Variants in FBXO7 observed in about 807,000 individuals in gnomAD.
FBXO7 encodes F-box protein 7, also known as F-box only protein 7.
A neutral mutation model predicts 50.2 loss-of-function variants in FBXO7; 31 were observed. The observed-to-expected ratio is 0.62, with a 90% CI of 0.46 to 0.83. The LOEUF (loss-of-function observed/expected upper bound fraction) is 0.83, where lower values mean the gene tolerates loss of function less well. Among genes scored for constraint, FBXO7 ranks in the 40% least tolerant of loss-of-function variants. FBXO7 has a pLI of 0.00. For synonymous variants in FBXO7, 256 were observed against 253.1 expected, an observed-to-expected ratio of 1.01 and a Z score of -0.11; for missense variants, 667 against 646.6, an observed-to-expected ratio of 1.03 and a Z score of -0.34.
At chr22:32,498,036 T>C (rs2057586626) in intron 8 of FBXO7, 108 bp from the exon 9 acceptor site, 4 of 1,244,710 alleles carry the variant, frequency 3.2e-6, no homozygotes, top group South Asian at 1.3e-5. Context: ...ATCCACAATA[T>C]GTCTGAGGTG....
intron 1 of FBXO7, chr22:32,475,536 G>C (rs781711144): frequency 9.5e-7 from 1 of 1,052,630 alleles, no homozygotes; most frequent in Non-Finnish European, 1.3e-6. Context: ...TGAGGGGTCC[G>C]AGTTAATTTC....
At chr22:32,475,523 C>G in intron 1 of FBXO7, 1 of 1,158,752 alleles carries the variant, frequency 8.6e-7, no homozygotes, top group Non-Finnish European at 1.2e-6. Context: ...CCTTTCTGGA[C>G]TGTGAGGGGT....
At position 32,487,950 on chromosome 22, in the gene FBXO7, CAA is replaced by C. The variant is rs2057509764; in HGVS notation, c.871+123_871+124del. ...ATATGAGATTAAAGCATATTGAAGA[CAA>C]TGTGGTTTGTTTAAGAATGCAAAGG... On this transcript the variant is annotated intron_variant, in intron 5 of 8. Transcript: ENST00000266087. 4.4e-6 allele frequency: 3 copies of C among 688,222 alleles called. No individual in the cohort carries two copies. The African/African-American group carries it at 5.5e-5, about 13-fold the overall frequency. 42.6% of individuals were successfully genotyped at this position (688,222 alleles called of 1,614,324 possible).
intron 4 of FBXO7, 111 bp downstream of exon 4, chr22:32,485,320 T>C: frequency 7.7e-7 from 1 of 1,303,060 alleles, no homozygotes. Context: ...TTGTGAGTCC[T>C]TCTCAACTGT....
chr22:32,496,101 A>G (rs1265873642), intron 8 of FBXO7, among the ~76,000 whole-genome samples: 2 of 152,036 alleles, frequency 1.3e-5, no homozygotes, highest in African/African-American at 4.8e-5. Context: ...GGACAGGCTG[A>G]CTCTTTTGTT....
chr22:32,479,149 A>C lies in FBXO7; in HGVS notation c.291A>C (p.Ser97=), dbSNP rs369892815. ...IPSSTDSEHS[S]LQNNEQPSLA... ...CATCCACAGATTCAGAGCATTCTTCACTCCAGAATAATGAGCAACCCTCTT... is the reference window on the plus strand; with the variant it reads ...CATCCACAGATTCAGAGCATTCTTCCCTCCAGAATAATGAGCAACCCTCTT... The change falls in exon 2 of 9, where the codon TCA becomes TCC. Residue 97 remains serine, a synonymous_variant. Transcript: ENST00000266087. 2.3e-5 allele frequency: 37 copies of C among 1,613,976 alleles called. No homozygotes were observed. In the African/African-American group the frequency reaches 3.7e-4, roughly 16 times the overall value.
At chr22:32,475,712 C>A in intron 1 of FBXO7, 1 of 323,724 alleles carries the variant, frequency 3.1e-6, no homozygotes, top group East Asian at 5.9e-5. Context: ...GCTTGGACTT[C>A]GCCGCCGAAA....
At chr22:32,491,027 TAGA>T in intron 5 of FBXO7, 56 bp from the exon 6 acceptor site, 1 of 1,182,950 alleles carries the variant, frequency 8.5e-7, no homozygotes, top group Non-Finnish European at 1.3e-6. Flanking sequence ...TTGGCAGAAA[TAGA>T]GGACAGTTTT....
At chr22:32,488,371 G>A (rs545132742) in intron 5 of FBXO7, 2 of 152,954 alleles carry the variant, frequency 1.3e-5, no homozygotes, top group Admixed American at 1.3e-4. Context: ...ATTATTAATA[G>A]ATACAAAGAA....
intron 2 of FBXO7, among the ~76,000 whole-genome samples, chr22:32,482,918 A>G (rs1477658370): frequency 1.3e-5 from 2 of 152,238 alleles, no homozygotes; most frequent in Non-Finnish European, 2.9e-5. Context: ...AGGTGCAGTA[A>G]TCAAGCCCGT....
intron 2 of FBXO7, among the ~76,000 whole-genome samples, chr22:32,482,297 C>G (rs528947470): frequency 6.6e-6 from 1 of 152,282 alleles, no homozygotes. Flanking sequence ...TCCATAAGCC[C>G]TAGGGCTTAG....
At chr22:32,484,146 CAG>C in intron 3 of FBXO7, 22 bp downstream of exon 3, 1 of 1,584,010 alleles carries the variant, frequency 6.3e-7, no homozygotes, top group Non-Finnish European at 8.7e-7. Context: ...AAGCAAAACA[CAG>C]ACATCTTATG....
intron 2 of FBXO7, among the ~76,000 whole-genome samples, chr22:32,480,442 A>C (rs2057457306): frequency 1.3e-5 from 2 of 151,172 alleles, no homozygotes; most frequent in African/African-American, 4.9e-5. Flanking sequence ...CAACCAGCAC[A>C]TTCACCTGCT....
At chr22:32,485,021 G>A in intron 3 of FBXO7, 47 bp from the exon 4 acceptor site, 1 of 1,613,336 alleles carries the variant, frequency 6.2e-7, no homozygotes, top group South Asian at 1.1e-5. Flanking sequence ...CTTTTTGAGA[G>A]TAACACCTTT....
At position 32,487,785 on chromosome 22, in the gene FBXO7, A is replaced by T. The variant is rs2057508216; in HGVS notation, c.828A>T (p.Arg276Ser). 1 of 1,610,646 alleles carries T rather than the reference A, an allele frequency of 6.2e-7. No homozygotes were observed. Among genetic ancestry groups the T allele is most frequent in the Non-Finnish European group, 8.5e-7 (1 of 1,177,326 alleles). The change falls in exon 5 of 9, where the codon AGA (arginine) becomes AGT (serine). Residue 276 changes from arginine to serine, a missense_variant. Arg to Ser is a moderately radical substitution (Grantham distance 110). Coordinates refer to ENST00000266087, the MANE Select transcript of FBXO7 (RefSeq NM_012179.4). ...ACAATGAGATTAGAAGTGTGAAAAG[A>T]TTGCAGCTGCTACCAGAATCTTTTA... ...KINNEIRSVK[R>S]LQLLPESFIC...
intron 4 of FBXO7, 56 bp from the exon 5 acceptor site, chr22:32,487,689 A>G: frequency 4.5e-6 from 5 of 1,120,620 alleles, no homozygotes; most frequent in Non-Finnish European, 6.8e-6. Flanking sequence ...CTAAAAAAGA[A>G]AGGCAGTTGA....
intron 6 of FBXO7, chr22:32,492,603 AT>A (rs1168930629): frequency 1.6e-5 from 3 of 191,634 alleles, no homozygotes; most frequent in African/African-American, 4.8e-5. Flanking sequence ...GTGTTAATAC[AT>A]TTACTTCTCA....
At chr22:32,497,817 A>G (rs980404900) in intron 8 of FBXO7, among the ~76,000 whole-genome samples, 6 of 152,254 alleles carry the variant, frequency 3.9e-5, no homozygotes, top group African/African-American at 1.4e-4. Context: ...ACGAACATGG[A>G]GGCAAGACCC....
intron 5 of FBXO7, chr22:32,489,630 A>G (rs2057521776): frequency 6.6e-6 from 1 of 152,252 alleles, no homozygotes; most frequent in Non-Finnish European, 1.5e-5. Flanking sequence ...CAACTTTTAC[A>G]GGAATGTAGC....
Sources: gnomAD v4.1 joint callset for allele counts (sites outside exome capture counted in the v4.1 genomes callset) on GRCh38, gnomAD v4.1.1 for gene constraint, MANE v1.5 for transcripts, NCBI Gene and HGNC (gene_info 2026-07-23, HGNC 2026-07-21) for gene names.